Variants in R3HDM1 observed in about 807,000 individuals in gnomAD.
R3HDM1 encodes the protein R3H domain-containing protein 1.
A neutral mutation model predicts 141.1 loss-of-function variants in R3HDM1; 46 were observed. That is an observed-to-expected ratio of 0.33 (90% confidence interval 0.26 to 0.42). The LOEUF is 0.42. Among genes scored for constraint, R3HDM1 ranks in the 10% least tolerant of loss-of-function variants. The pLI is 1.00. For synonymous variants in R3HDM1, 435 were observed against 472.9 expected (o/e 0.92, Z 1.04); for missense variants, 1,184 against 1,368.3 (o/e 0.87, Z 2.12).
intron 21 of R3HDM1, among the ~76,000 whole-genome samples, chr2:135,698,591 C>A (rs538370701): frequency 6.6e-6 from 1 of 152,112 alleles, no homozygotes; most frequent in Non-Finnish European, 1.5e-5. Context: ...TTCGTCTGTT[C>A]TCGCATTGCT....
intron 7 of R3HDM1, among the ~76,000 whole-genome samples, chr2:135,627,992 G>A (rs2062220544): frequency 6.6e-6 from 1 of 152,066 alleles, no homozygotes; most frequent in South Asian, 2.1e-4. Flanking sequence ...TTATTAGCTT[G>A]TTTTTATTAC....
chr2:135,705,884 C>T (rs7573778), intron 21 of R3HDM1, among the ~76,000 whole-genome samples: 30,993 of 152,084 alleles, frequency 0.2, 3,699 homozygotes, highest in East Asian at 0.44. Context: ...AATCCCAGCA[C>T]TTTGGGAGGC....
rs2071663846 is a variant in R3HDM1, at chr2:135,688,055, C to T, written c.2459+7731C>T. Among the ~76,000 whole-genome samples, 4 of 152,320 alleles carry T rather than the reference C, an allele frequency of 2.6e-5. No homozygotes were observed. In the South Asian group the frequency reaches 8.3e-4, roughly 32 times the overall value. ...TTCAGTGTGGCAAAAAAGTTTGAAT[C>T]ATCAGGCAAGCACATTCCCATCTGA... On this transcript the variant is annotated intron_variant, in intron 21 of 26. Transcript: ENST00000683871.
intron 1 of R3HDM1, among the ~76,000 whole-genome samples, chr2:135,575,669 G>C (rs1274519231): frequency 6.6e-6 from 1 of 152,118 alleles, no homozygotes; most frequent in Non-Finnish European, 1.5e-5. Context: ...CAATGGTAGA[G>C]AAAACTCCAC....
At chr2:135,587,675 G>C (rs1198483236) in intron 1 of R3HDM1, among the ~76,000 whole-genome samples, 1 of 152,106 alleles carries the variant, frequency 6.6e-6, no homozygotes, top group Non-Finnish European at 1.5e-5. Context: ...ATTAAAATAA[G>C]CAACACATAC....
intron 1 of R3HDM1, among the ~76,000 whole-genome samples, chr2:135,593,346 T>G (rs1388001984): frequency 6.6e-6 from 1 of 152,186 alleles, no homozygotes; most frequent in African/African-American, 2.4e-5. Flanking sequence ...TGGACTATGG[T>G]AGGTTCAGAA....
At position 135,722,520 on chromosome 2, in the gene R3HDM1, G is replaced by A; in HGVS notation, c.3016G>A (p.Ala1006Thr). Residue 1006 changes from alanine to threonine, a missense_variant, in exon 26 of 27, where the codon GCT (alanine) becomes ACT (threonine). Ala to Thr is a moderately conservative substitution (Grantham distance 58). Transcript: ENST00000683871. ...GNRGRRQAKKAASTDLGAGET... is the reference protein window; with the variant it reads ...GNRGRRQAKKTASTDLGAGET... ...CCGAGGAAGGAGACAAGCTAAAAAAGCTGCATCCACAGACCTTGGAGCAGG... is the reference window on the plus strand; with the variant it reads ...CCGAGGAAGGAGACAAGCTAAAAAAACTGCATCCACAGACCTTGGAGCAGG... 1 of 1,613,666 alleles carries A rather than the reference G, an allele frequency of 6.2e-7. No individual in the cohort carries two copies. Among genetic ancestry groups the A allele is most frequent in the Non-Finnish European group, 8.5e-7 (1 of 1,179,976 alleles).
At chr2:135,658,170 G>GT (rs1473241499) in intron 18 of R3HDM1, among the ~76,000 whole-genome samples, 1 of 151,864 alleles carries the variant, frequency 6.6e-6, no homozygotes, top group African/African-American at 2.4e-5. Flanking sequence ...TTTTTGTTTT[G>GT]TTTTTTTCTT....
rs562748072 is a variant in R3HDM1, at chr2:135,567,903, C to CTT, written c.-249-34574_-249-34573dup. 9.6e-3 allele frequency among the ~76,000 whole-genome samples: 708 copies of CTT among 73,714 alleles called. 34 individuals are homozygous for CTT. The highest frequency in any genetic ancestry group is 0.033 in the African/African-American group (534 of 16,140). The allele number at this position is 73,714 out of a possible 152,430, so 48.4% of individuals were successfully genotyped here. ...TGCAGGCGTGCATCACCACACCTGG[C>CTT]TTTTTTTTTTTTTTTTTTTTTTTTG... On this transcript the variant is annotated intron_variant, in intron 1 of 26. Transcript: ENST00000683871.
chr2:135,545,940 G>A (rs1698602590), intron 1 of R3HDM1, among the ~76,000 whole-genome samples: 1 of 152,182 alleles, frequency 6.6e-6, no homozygotes, highest in Admixed American at 6.6e-5. Flanking sequence ...GGTGTGGGAC[G>A]CATCCAGGGG....
intron 21 of R3HDM1, among the ~76,000 whole-genome samples, chr2:135,698,306 CCCA>C (rs1381460605): frequency 6.6e-6 from 1 of 151,518 alleles, no homozygotes; most frequent in Non-Finnish European, 1.5e-5. Context: ...ACTACAGGCA[CCCA>C]CCACCACGCC....
chr2:135,620,725 T>C (rs2061443856), intron 5 of R3HDM1: 1 of 878,436 alleles, frequency 1.1e-6, no homozygotes, highest in African/African-American at 1.8e-5. Context: ...TTTACCTAAG[T>C]AAACAGAGCT....
intron 6 of R3HDM1, chr2:135,622,061 T>C: frequency 1.0e-6 from 1 of 984,604 alleles, no homozygotes; most frequent in Non-Finnish European, 1.2e-6. Context: ...ATAGAAATGC[T>C]TTTTAAATTT....
intron 1 of R3HDM1, among the ~76,000 whole-genome samples, chr2:135,540,544 G>A (rs759467283): frequency 6.6e-5 from 10 of 152,116 alleles, no homozygotes; most frequent in Non-Finnish European, 1.5e-4. Flanking sequence ...TCCCACCTCA[G>A]TGCTGGTGCA....
At chr2:135,723,777 C>A (rs1248943762) in intron 26 of R3HDM1, among the ~76,000 whole-genome samples, 160 bp from the exon 27 acceptor site, 1 of 78,414 alleles carries the variant, frequency 1.3e-5, no homozygotes, top group South Asian at 5.7e-4. Flanking sequence ...ACTCCATCTC[C>A]CAAAAAAAAA....
intron 5 of R3HDM1, chr2:135,619,682 G>A: frequency 1.1e-6 from 1 of 905,348 alleles, no homozygotes; most frequent in Non-Finnish European, 1.3e-6. Flanking sequence ...TATTTCTCAT[G>A]AAAGGTACTA....
At chr2:135,682,912 G>C (rs2070589806) in intron 21 of R3HDM1, among the ~76,000 whole-genome samples, 1 of 152,064 alleles carries the variant, frequency 6.6e-6, no homozygotes, top group Non-Finnish European at 1.5e-5. Flanking sequence ...CAGGATAATT[G>C]CTTGAACCTG....
At chr2:135,711,482 T>TG (rs2075619067) in intron 23 of R3HDM1, among the ~76,000 whole-genome samples, 1 of 144,808 alleles carries the variant, frequency 6.9e-6, no homozygotes, top group Non-Finnish European at 1.5e-5. Context: ...GGTAACATGG[T>TG]GAAACCCTGT....
rs545401368 is a variant in R3HDM1, at chr2:135,702,644, C to T, written c.2460-6789C>T. 1.5e-4 allele frequency among the ~76,000 whole-genome samples: 22 copies of T among 142,736 alleles called. No homozygotes were observed. The East Asian group carries it at 2.4e-3, about 16-fold the overall frequency. The allele number at this position is 142,736 out of a possible 152,430, so 93.6% of individuals were successfully genotyped here. ...CAGCCTGGGCGACAGAGCAAGACTC[C>T]GTCTCAAAAAAAAAAAAAAAAAAAA... On this transcript the variant is annotated intron_variant, in intron 21 of 26. Transcript: ENST00000683871.
Sources: allele counts gnomAD v4.1 joint callset (sites outside exome capture counted in the v4.1 genomes callset), GRCh38; gene constraint gnomAD v4.1.1; transcripts MANE v1.5; gene names NCBI Gene and HGNC (gene_info 2026-07-23, HGNC 2026-07-21).